Variants in UBASH3B observed in about 807,000 individuals in gnomAD.
The protein encoded by UBASH3B is ubiquitin associated and SH3 domain containing B.
A neutral mutation model predicts 83.4 loss-of-function variants in UBASH3B; 37 were observed. That is an observed-to-expected ratio of 0.44 (90% confidence interval 0.34 to 0.58). The LOEUF (loss-of-function observed/expected upper bound fraction) is 0.58, where lower values mean the gene tolerates loss of function less well. Ranked by LOEUF, UBASH3B falls within the 20% of genes least tolerant of loss-of-function variation. The probability of loss-of-function intolerance (pLI) is 0.01; values close to 1 mark genes in which losing one functional copy is unlikely to be tolerated. For synonymous variants in UBASH3B, 304 were observed against 318.3 expected (o/e 0.96, Z 0.48); for missense variants, 657 against 827.2 (o/e 0.79, Z 2.52).
chr11:122,681,167 G>A (rs1241839786), intron 1 of UBASH3B, among the ~76,000 whole-genome samples: 2 of 152,140 alleles, frequency 1.3e-5, no homozygotes, highest in Non-Finnish European at 2.9e-5. Flanking sequence ...ATCATTCATT[G>A]TAATAGTTAC....
At chr11:122,682,408 G>T (rs945344614) in intron 1 of UBASH3B, among the ~76,000 whole-genome samples, 1 of 152,174 alleles carries the variant, frequency 6.6e-6, no homozygotes, top group South Asian at 2.1e-4. Flanking sequence ...GCGTTCACTT[G>T]TCCTGAGAAG....
chr11:122,674,888 C>G (rs1238487347), intron 1 of UBASH3B, among the ~76,000 whole-genome samples: 4 of 151,794 alleles, frequency 2.6e-5, no homozygotes, highest in Non-Finnish European at 2.9e-5. Context: ...ACCATCATAC[C>G]CGGCTAATTT....
At chr11:122,685,662 G>A (rs770212591) in intron 1 of UBASH3B, among the ~76,000 whole-genome samples, 4 of 152,048 alleles carry the variant, frequency 2.6e-5, no homozygotes, top group Non-Finnish European at 5.9e-5. Flanking sequence ...AATTACAGGC[G>A]TCTGCCACAA....
chr11:122,664,644 T>G (rs931429640), intron 1 of UBASH3B, among the ~76,000 whole-genome samples: 4 of 152,214 alleles, frequency 2.6e-5, no homozygotes, highest in African/African-American at 9.6e-5. Context: ...TTTTCTTGTT[T>G]CATCTTGCTC....
In UBASH3B at chr11:122,783,168, G is replaced by GT; in HGVS notation, c.718dup (p.Cys240LeufsTer2). On this transcript the variant is annotated frameshift_variant, in exon 5 of 14. Transcript: ENST00000284273. LOFTEE classifies it high-confidence loss of function. ...CCCAGAACATTGACGTCAAGCTAGGGTGTGACTGGGTGGCTACCATATTTT... is the reference window on the plus strand; with the variant it reads ...CCCAGAACATTGACGTCAAGCTAGGGTTGTGACTGGGTGGCTACCATATTTT... The GT allele has an allele frequency of 6.2e-7, 1 of 1,614,128 alleles. No homozygotes were observed. The highest frequency in any genetic ancestry group is 8.5e-7 in the Non-Finnish European group (1 of 1,179,998).
chr11:122,690,190 ATATATATATATATATATATCCAAT>A (rs1565530241), intron 1 of UBASH3B, among the ~76,000 whole-genome samples: 12 of 24,192 alleles, frequency 5.0e-4, no homozygotes, highest in Admixed American at 1.3e-3. Flanking sequence ...ATATATATAT[ATATATATATATATATATATCCAAT>A]TATATATATA....
chr11:122,695,824 G>T (rs1032473076), intron 1 of UBASH3B, among the ~76,000 whole-genome samples: 3 of 152,248 alleles, frequency 2.0e-5, no homozygotes, highest in Middle Eastern at 6.8e-3. Flanking sequence ...GCCCAAAGTG[G>T]TTAAAAAATG....
chr11:122,748,482 C>G lies in UBASH3B; in HGVS notation c.162-27737C>G, dbSNP rs147990702. ...AGAATTCTCTTCCTTACTTGCTTTT[C>G]CCTCAGTGGAAATGGAAAACAGCCT... On this transcript the variant is annotated intron_variant, in intron 1 of 13. Transcript: ENST00000284273. 1.6e-4 allele frequency among the ~76,000 whole-genome samples: 24 copies of G among 152,330 alleles called. No individual in the cohort carries two copies. In the East Asian group the frequency reaches 3.1e-3, roughly 20 times the overall value.
intron 6 of UBASH3B, among the ~76,000 whole-genome samples, chr11:122,790,606 T>A (rs1318430438): frequency 6.6e-6 from 1 of 152,200 alleles, no homozygotes; most frequent in Non-Finnish European, 1.5e-5. Context: ...TGTTATTTTT[T>A]ATTTTACAGT....
intron 1 of UBASH3B, among the ~76,000 whole-genome samples, chr11:122,741,062 G>A (rs1046179989): frequency 2.6e-5 from 4 of 152,116 alleles, no homozygotes; most frequent in South Asian, 2.1e-4. Context: ...CCCCAATTAC[G>A]TAAAAGTATT....
intron 1 of UBASH3B, among the ~76,000 whole-genome samples, chr11:122,664,713 C>T (rs891905097): frequency 2.6e-5 from 4 of 152,208 alleles, no homozygotes; most frequent in East Asian, 1.9e-4. Context: ...CTATCTATGA[C>T]GGTGAGGCCC....
At chr11:122,705,287 A>G (rs1200307838) in intron 1 of UBASH3B, among the ~76,000 whole-genome samples, 1 of 151,958 alleles carries the variant, frequency 6.6e-6, no homozygotes, top group Non-Finnish European at 1.5e-5. Context: ...CTCTACTAAA[A>G]ATACAAAAAT....
chr11:122,695,189 C>G (rs1177117733), intron 1 of UBASH3B, among the ~76,000 whole-genome samples: 1 of 151,988 alleles, frequency 6.6e-6, no homozygotes, highest in African/African-American at 2.4e-5. Context: ...GTCTTGAACT[C>G]CCGACCTCAA....
At chr11:122,711,228 T>C (rs985658210) in intron 1 of UBASH3B, among the ~76,000 whole-genome samples, 3 of 152,216 alleles carry the variant, frequency 2.0e-5, no homozygotes, top group African/African-American at 7.2e-5. Flanking sequence ...GCTCCCAAAA[T>C]CTCTGTAGCA....
chr11:122,781,491 G>A (rs897883729), intron 4 of UBASH3B, among the ~76,000 whole-genome samples: 1 of 152,224 alleles, frequency 6.6e-6, no homozygotes, highest in Non-Finnish European at 1.5e-5. Context: ...AGCAGCAGTC[G>A]AAGCCCCAGC....
chr11:122,752,289 A>G (rs1376590529), intron 1 of UBASH3B, among the ~76,000 whole-genome samples: 1 of 152,124 alleles, frequency 6.6e-6, no homozygotes, highest in Admixed American at 6.5e-5. Flanking sequence ...GTCTAGTGCT[A>G]TTGAGGAGAT....
Position 122,683,620 on chromosome 11 carries a change from T to A in UBASH3B, c.161+27410T>A, listed in dbSNP as rs780694913. 1.0e-2 allele frequency among the ~76,000 whole-genome samples: 1,219 copies of A among 122,330 alleles called. 11 individuals carry two copies. Among genetic ancestry groups the A allele is most frequent in the Middle Eastern group, 0.025 (5 of 198 alleles). 80.3% of individuals were successfully genotyped at this position (122,330 alleles called of 152,430 possible). A position where few individuals can be genotyped will look rare whatever the true frequency, so the allele number is the denominator to read the frequency against. On this transcript the variant is annotated intron_variant, in intron 1 of 13. Transcript: ENST00000284273. The stretch of plus-strand genomic sequence containing the variant: ...ACTCCTTCTCAAAAAAAAAAAAAAA[T>A]AATAATAATAAAATAAAATATGACC...
intron 1 of UBASH3B, among the ~76,000 whole-genome samples, chr11:122,674,149 A>G (rs1292069360): frequency 6.6e-6 from 1 of 152,210 alleles, no homozygotes. Flanking sequence ...AAAACCAAAT[A>G]AGTATACAGC....
intron 9 of UBASH3B, among the ~76,000 whole-genome samples, 162 bp from the exon 10 acceptor site, chr11:122,798,780 T>G (rs1861198671): frequency 6.6e-6 from 1 of 151,500 alleles, no homozygotes; most frequent in African/African-American, 2.4e-5. Flanking sequence ...GATGAGGGGT[T>G]TTGTTAGAAA....
Sources: allele counts gnomAD v4.1 joint callset (sites outside exome capture counted in the v4.1 genomes callset), GRCh38; gene constraint gnomAD v4.1.1; transcripts MANE v1.5; gene names NCBI Gene and HGNC (gene_info 2026-07-23, HGNC 2026-07-21).